Variants in IARS1 observed in about 807,000 individuals in gnomAD.
IARS1 encodes isoleucyl-tRNA synthetase 1.
IARS1 carries 124 observed loss-of-function variants against 168.2 expected under a neutral mutation model. The ratio of observed to expected loss-of-function variants is 0.74; its 90% CI spans 0.64 to 0.86. The LOEUF (loss-of-function observed/expected upper bound fraction) is 0.86. Ranked by LOEUF, IARS1 falls within the 40% of genes least tolerant of loss-of-function variation. The pLI, the probability that IARS1 is intolerant of heterozygous loss-of-function variation, is 0.00. For missense variants in IARS1, 1,452 were observed against 1,515.8 expected, an observed-to-expected ratio of 0.96 and a Z score of 0.70; for synonymous variants, 532 against 529.4, an observed-to-expected ratio of 1.00 and a Z score of -0.07.
rs370595725 is a variant in IARS1, at chr9:92,274,432, G to A, written c.984C>T (p.Phe328=). 2.0e-5 allele frequency: 33 copies of A among 1,612,710 alleles called. No individual in the cohort carries two copies. Among genetic ancestry groups the A allele is most frequent in the Admixed American group, 2.0e-4 (12 of 59,982 alleles). The change falls in exon 10 of 34, where the codon TTC becomes TTT. Residue 328 remains phenylalanine (F), a synonymous_variant. Transcript: ENST00000443024. Reference sequence around the variant, plus strand: ...CCAGACTTATGCTACTCACAGCACCGAAGTAAGGAGCTTGGTGGACAACCC... The same window carrying A: ...CCAGACTTATGCTACTCACAGCACCAAAGTAAGGAGCTTGGTGGACAACCC... ...GTGVVHQAPY[F]GAEDYRVCMD...
chr9:92,275,807 T>TTCA (rs1833700898), intron 9 of IARS1, among the ~76,000 whole-genome samples: 1 of 152,246 alleles, frequency 6.6e-6, no homozygotes, highest in Admixed American at 6.5e-5. Flanking sequence ...TATATTTCAG[T>TTCA]GAACATCAGA....
rs1830264140 is a variant in IARS1 at position 92,253,230 on chromosome 9, G to A, written c.2229+132C>T. ...AATATAGTTAAAATGCAATGTAAAA[G>A]GAAAAGAAAAACAAAGCTTCAAAAA... On this transcript the variant is annotated intron_variant, in intron 21 of 33. Coordinates refer to ENST00000443024, the MANE Select transcript of IARS1 (RefSeq NM_002161.6). 2.2e-5 allele frequency: 15 copies of A among 670,540 alleles called. No homozygotes were observed. In the South Asian group the frequency reaches 2.3e-4, roughly 10 times the overall value. 41.5% of individuals were successfully genotyped at this position (670,540 alleles called of 1,614,324 possible).
At chr9:92,259,136 G>T in intron 18 of IARS1, 138 bp from the exon 19 acceptor site, 1 of 737,796 alleles carries the variant, frequency 1.4e-6, no homozygotes, top group Non-Finnish European at 2.1e-6. Context: ...CTCTTTGAGT[G>T]GTCAATTTAA....
At chr9:92,281,135 CTTTT>C (rs35960000) in intron 6 of IARS1, among the ~76,000 whole-genome samples, 1 of 135,540 alleles carries the variant, frequency 7.4e-6, no homozygotes. Flanking sequence ...CACCTGGTGA[CTTTT>C]TTTTTTTTTT....
chr9:92,229,921 T>C (rs1826395122), intron 30 of IARS1, among the ~76,000 whole-genome samples: 1 of 152,200 alleles, frequency 6.6e-6, no homozygotes. Flanking sequence ...ACAGAGTAGT[T>C]CTGCCACCAT....
intron 6 of IARS1, among the ~76,000 whole-genome samples, chr9:92,283,146 TA>T (rs1239786263): frequency 2.6e-5 from 4 of 152,174 alleles, no homozygotes; most frequent in Non-Finnish European, 5.9e-5. Flanking sequence ...AACCCTTGGT[TA>T]ACAATCAATA....
At chr9:92,226,024 T>C (rs1196400226) in intron 31 of IARS1, among the ~76,000 whole-genome samples, 2 of 152,242 alleles carry the variant, frequency 1.3e-5, no homozygotes, top group African/African-American at 4.8e-5. Context: ...GTCAGATAGA[T>C]GTGCACTCTA....
At chr9:92,254,740 C>T (rs1830485129) in intron 20 of IARS1, among the ~76,000 whole-genome samples, 1 of 152,170 alleles carries the variant, frequency 6.6e-6, no homozygotes, top group African/African-American at 2.4e-5. Flanking sequence ...CACACAGGGG[C>T]AGCAGCAGCA....
chr9:92,249,798 T>C (rs1829746163), intron 25 of IARS1, 60 bp downstream of exon 25: 4 of 814,614 alleles, frequency 4.9e-6, no homozygotes, highest in Non-Finnish European at 6.1e-6. Flanking sequence ...TTGAGGATTA[T>C]TCATCAAAAT....
chr9:92,250,561 C>A, intron 23 of IARS1, 152 bp downstream of exon 23: 1 of 847,614 alleles, frequency 1.2e-6, no homozygotes, highest in Non-Finnish European at 1.8e-6. Context: ...CCAAAGTGGG[C>A]CCCATCCTGC....
At chr9:92,261,537 C>T (rs1377943652) in intron 17 of IARS1, among the ~76,000 whole-genome samples, 4 of 152,156 alleles carry the variant, frequency 2.6e-5, no homozygotes, top group East Asian at 1.9e-4. Context: ...ATCCTACACA[C>T]GATAGCCGTA....
At chr9:92,246,773 T>TGCTGGGATTACAGATGTGAGCC (rs1323432505) in intron 26 of IARS1, among the ~76,000 whole-genome samples, 88 of 152,256 alleles carry the variant, frequency 5.8e-4, no homozygotes, top group Admixed American at 2.4e-3. Context: ...CCTCCCAAAA[T>TGCTGGGATTACAGATGTGAGCC]GCTGGGATTA....
intron 30 of IARS1, among the ~76,000 whole-genome samples, chr9:92,229,358 TAC>T (rs113517739): frequency 3.5e-3 from 512 of 144,652 alleles, no homozygotes; most frequent in South Asian, 0.011. Context: ...ATATATACAC[TAC>T]ACACACACAC....
Position 92,243,192 on chromosome 9 carries a change from C to T in IARS1, c.3000+24G>A. Reference sequence around the variant, plus strand: ...AACAAACAAAAAGCCAAAACAGTAGCTTATTCTTAACTGACAAACTAACCT... The same window carrying T: ...AACAAACAAAAAGCCAAAACAGTAGTTTATTCTTAACTGACAAACTAACCT... On this transcript the variant is annotated intron_variant, in intron 28 of 33. Transcript: ENST00000443024. 1.9e-6 allele frequency: 3 copies of T among 1,579,826 alleles called. No individual in the cohort carries two copies. The South Asian group carries it at 3.3e-5, about 18-fold the overall frequency.
chr9:92,282,082 T>C (rs1391455045), intron 6 of IARS1, among the ~76,000 whole-genome samples: 2 of 152,200 alleles, frequency 1.3e-5, no homozygotes, highest in African/African-American at 4.8e-5. Flanking sequence ...ACTCCAGTTA[T>C]TTCAAACAAT....
intron 12 of IARS1, 80 bp from the exon 13 acceptor site, chr9:92,270,063 A>T (rs954173099): frequency 2.9e-5 from 24 of 816,620 alleles, no homozygotes; most frequent in Admixed American, 1.5e-4. Flanking sequence ...TTCATGTCTT[A>T]TTGACAGCAT....
chr9:92,238,738 G>A (rs555012957), intron 30 of IARS1, among the ~76,000 whole-genome samples: 1 of 152,024 alleles, frequency 6.6e-6, no homozygotes, highest in African/African-American at 2.4e-5. Flanking sequence ...TTTCTTAGTG[G>A]TAACTCCAAG....
In IARS1 at chr9:92,264,976, A is replaced by G; in HGVS notation, c.1653T>C (p.Ala551=). 2 of 1,614,168 alleles carry G rather than the reference A, an allele frequency of 1.2e-6. No individual in the cohort carries two copies. Among genetic ancestry groups the G allele is most frequent in the Non-Finnish European group, 1.7e-6 (2 of 1,180,004 alleles). Residue 551 remains alanine, a synonymous_variant, in exon 16 of 34, where the codon GCT becomes GCC. Transcript: ENST00000443024. ...PFENKREFED[A]FPADFIAEGI... ...CCTCGGCAATGAAATCTGCAGGAAA[A>G]GCATCCTCAAACTCCCTCTTGTTTT... is the stretch of plus-strand genomic sequence containing the variant.
chr9:92,255,786 A>G (rs1830631069), intron 20 of IARS1, among the ~76,000 whole-genome samples: 1 of 149,522 alleles, frequency 6.7e-6, no homozygotes, highest in Non-Finnish European at 1.5e-5. Context: ...GAAGGTCAAG[A>G]TAGGCTGAAT....
Sources: allele counts gnomAD v4.1 joint callset (sites outside exome capture counted in the v4.1 genomes callset), GRCh38; gene constraint gnomAD v4.1.1; transcripts MANE v1.5; gene names NCBI Gene and HGNC (gene_info 2026-07-23, HGNC 2026-07-21).